The following ATP2B2 variants were observed in gnomAD, a reference collection of about 807,000 sequenced individuals.
ATP2B2 encodes plasma membrane calcium-transporting ATPase 2.
ATP2B2 carries 15 observed loss-of-function variants against 120.0 expected under a neutral mutation model. The ratio of observed to expected loss-of-function variants is 0.12; its 90% CI spans 0.08 to 0.19. The LOEUF is 0.19. Among genes scored for constraint, ATP2B2 ranks in the 10% least tolerant of loss-of-function variants. The pLI is 1.00. For missense variants in ATP2B2, 1,045 were observed against 1,719.8 expected (o/e 0.61, Z 6.94); for synonymous variants, 694 against 700.3 (o/e 0.99, Z 0.14).
At chr3:10,425,291 C>T (rs1219405923) in intron 2 of ATP2B2, among the ~76,000 whole-genome samples, 1 of 151,564 alleles carries the variant, frequency 6.6e-6, no homozygotes, top group Non-Finnish European at 1.5e-5. Context: ...GCATGGGTGA[C>T]AGAGCGAGAT....
intron 2 of ATP2B2, among the ~76,000 whole-genome samples, chr3:10,605,904 C>T (rs2069051979): frequency 6.6e-6 from 1 of 152,156 alleles, no homozygotes; most frequent in Admixed American, 6.5e-5. Flanking sequence ...CTGCCTCAGC[C>T]TCCCAAAGTG....
chr3:10,390,474 CTG>C (rs35082497), intron 5 of ATP2B2, among the ~76,000 whole-genome samples: 46,219 of 149,294 alleles, frequency 0.31, 7,966 homozygotes, highest in East Asian at 0.69. Context: ...GTGTGTGTGC[CTG>C]TGTGTGTGTG....
chr3:10,510,132 T>C (rs1414341457), upstream of ATP2B2, among the ~76,000 whole-genome samples: 3 of 152,112 alleles, frequency 2.0e-5, no homozygotes, highest in Non-Finnish European at 4.4e-5. Flanking sequence ...CTCTAGTCTA[T>C]TGAGATTTGA....
At chr3:10,663,156 G>A (rs928770267) in intron 1 of ATP2B2, among the ~76,000 whole-genome samples, 2 of 151,658 alleles carry the variant, frequency 1.3e-5, no homozygotes, top group Admixed American at 6.6e-5. Flanking sequence ...ACGAGTTAAC[G>A]GGTGCAGCAC....
chr3:10,513,840 C>T (rs1044950205), intron 3 of ATP2B2, among the ~76,000 whole-genome samples: 2 of 152,280 alleles, frequency 1.3e-5, no homozygotes, highest in African/African-American at 4.8e-5. Flanking sequence ...CCTCCAGGGG[C>T]TGGGAAGTTC....
intron 1 of ATP2B2, among the ~76,000 whole-genome samples, chr3:10,636,289 G>C (rs1276900303): frequency 2.0e-5 from 3 of 152,204 alleles, no homozygotes; most frequent in Non-Finnish European, 4.4e-5. Flanking sequence ...AGTAGGGCAG[G>C]CTGTGTCATT....
intron 1 of ATP2B2, among the ~76,000 whole-genome samples, chr3:10,457,060 T>G (rs892207463): frequency 6.6e-6 from 1 of 152,026 alleles, no homozygotes; most frequent in African/African-American, 2.4e-5. Flanking sequence ...TGATGGTGAG[T>G]GTGGATGTAA....
intron 2 of ATP2B2, among the ~76,000 whole-genome samples, chr3:10,606,758 G>T (rs1383294267): frequency 6.6e-6 from 1 of 152,060 alleles, no homozygotes; most frequent in Non-Finnish European, 1.5e-5. Flanking sequence ...ACCTGCTTAT[G>T]TATAAGACCT....
At chr3:10,377,599 TACC>T (rs1435727953) in intron 10 of ATP2B2, among the ~76,000 whole-genome samples, 1 of 152,196 alleles carries the variant, frequency 6.6e-6, no homozygotes, top group African/African-American at 2.4e-5. Context: ...CACCTGCAGT[TACC>T]ACTTTAGTTG....
At chr3:10,509,024 T>C (rs929675006), upstream of ATP2B2, among the ~76,000 whole-genome samples, 5 of 152,170 alleles carry the variant, frequency 3.3e-5, no homozygotes, top group East Asian at 1.9e-4. Context: ...TTTTTCTCCC[T>C]TGGGGAGGGG....
intron 2 of ATP2B2, among the ~76,000 whole-genome samples, chr3:10,584,452 G>A (rs1213972039): frequency 6.6e-6 from 1 of 152,132 alleles, no homozygotes; most frequent in East Asian, 1.9e-4. Context: ...CTCTACAGGT[G>A]CCACCCTGGA....
In ATP2B2 at chr3:10,328,750, G is replaced by A; in HGVS notation, c.*64C>T. 6.6e-7 allele frequency: 1 copy of A among 1,513,716 alleles called. No individual in the cohort carries two copies. Among genetic ancestry groups the A allele is most frequent in the East Asian group, 2.3e-5 (1 of 43,440 alleles). The allele number at this position is 1,513,716 out of a possible 1,614,324, so 93.8% of individuals were successfully genotyped here. A position where few individuals can be genotyped will look rare whatever the true frequency, so the allele number is the denominator to read the frequency against. ...GTGAGTTGGGTGCCTGGATGGATGG[G>A]TGCCCGGAAAGCGGGTGGCAGCGGG... On this transcript the variant is annotated 3_prime_UTR_variant, in exon 23 of 23. Transcript: ENST00000360273.
At chr3:10,332,295 C>T (rs576711158) in intron 22 of ATP2B2, 46 of 466,116 alleles carry the variant, frequency 9.9e-5, no homozygotes, top group African/African-American at 1.5e-4. Flanking sequence ...TAGCAAGGTA[C>T]GGCGTCCAGA....
In ATP2B2 at chr3:10,552,178, CAT is replaced by C. The variant is rs1167722287; in HGVS notation, c.-414-18047_-414-18046del. ...GCCGCCTCGGTGCCGGTTGGTGACT[CAT>C]AGCACTGGCGAGGGGCGTGGGCGGG... On this transcript the variant is annotated intron_variant, in intron 2 of 21. Transcript: ENST00000646379. 3.3e-5 allele frequency among the ~76,000 whole-genome samples: 5 copies of C among 152,358 alleles called. No homozygotes were observed. In the South Asian group the frequency reaches 8.3e-4, roughly 25 times the overall value.
intron 5 of ATP2B2, among the ~76,000 whole-genome samples, chr3:10,395,252 C>T (rs1011408488): frequency 3.3e-5 from 5 of 152,176 alleles, no homozygotes; most frequent in South Asian, 2.1e-4. Context: ...AAAGATGAGG[C>T]GCTGCTCCAT....
Position 10,358,905 on chromosome 3 carries a change from C to G in ATP2B2, c.1922G>C (p.Gly641Ala). Residue 641 changes from glycine (G) to alanine (A), a missense_variant, in exon 14 of 23, where the codon GGG becomes GCG. Around this residue, in one of 11 missense-constraint regions of ATP2B2, gnomAD observed 343 missense variants for 536.8 expected, o/e 0.64. Transcript: ENST00000360273. The stretch of plus-strand genomic sequence containing the variant: ...CCGGAAGACACGAGGCTCTCCCGCC[C>G]CATTGAGGATTTTGCAGCACCTAGG... ...VLKKCCKILN[G>A]AGEPRVFRPR... The G allele has an allele frequency of 1.2e-6, 2 of 1,613,860 alleles. No individual in the cohort carries two copies. The highest frequency in any genetic ancestry group is 1.7e-6 in the Non-Finnish European group (2 of 1,180,000).
intron 2 of ATP2B2, among the ~76,000 whole-genome samples, chr3:10,547,924 C>T (rs1217141463): frequency 6.6e-6 from 1 of 152,242 alleles, no homozygotes. Context: ...ACACCCTCCA[C>T]ATGTGTGACA....
At chr3:10,683,778 A>G (rs867845647) in intron 1 of ATP2B2, among the ~76,000 whole-genome samples, 1,318 of 101,782 alleles carry the variant, frequency 0.013, 88 homozygotes, top group African/African-American at 0.037. Flanking sequence ...ATATATATAT[A>G]TATATATATA....
intron 14 of ATP2B2, among the ~76,000 whole-genome samples, chr3:10,357,981 G>C (rs1012974265): frequency 6.6e-6 from 1 of 152,220 alleles, no homozygotes. Context: ...TCAGCTAAAG[G>C]AGAATGAAGA....
Sources: allele counts gnomAD v4.1 joint callset (sites outside exome capture counted in the v4.1 genomes callset), GRCh38; gene constraint gnomAD v4.1.1; regional missense constraint gnomAD v4.1.1; transcripts MANE v1.5; gene names NCBI Gene and HGNC (gene_info 2026-07-23, HGNC 2026-07-21).